TAFA4: variants seen among roughly 807,000 people sequenced by gnomAD.
The protein encoded by TAFA4 is TAFA chemokine like family member 4.
A neutral mutation model predicts 21.1 loss-of-function variants in TAFA4; 20 were observed. The ratio of observed to expected loss-of-function variants is 0.95; its 90% CI spans 0.67 to 1.38. The LOEUF (loss-of-function observed/expected upper bound fraction) is 1.38. TAFA4 is among the 40% of genes most tolerant of loss of function. TAFA4 has a pLI of 0.00. For missense variants in TAFA4, 211 were observed against 180.9 expected (o/e 1.17, Z -0.95); for synonymous variants, 71 against 67.4 (o/e 1.05, Z -0.26).
chr3:68,776,072 A>G (rs1234474401), intron 3 of TAFA4, among the ~76,000 whole-genome samples: 3 of 152,196 alleles, frequency 2.0e-5, no homozygotes, highest in African/African-American at 7.2e-5. Flanking sequence ...AAAGTATTCA[A>G]AAATGGCAGA....
chr3:68,849,407 A>G (rs75454190), intron 3 of TAFA4, among the ~76,000 whole-genome samples: 3 of 152,288 alleles, frequency 2.0e-5, no homozygotes, highest in African/African-American at 4.8e-5. Flanking sequence ...TGGCTCTGGA[A>G]TGCTTGTTCT....
intron 3 of TAFA4, among the ~76,000 whole-genome samples, chr3:68,759,969 G>A (rs1404859772): frequency 6.6e-6 from 1 of 152,050 alleles, no homozygotes; most frequent in African/African-American, 2.4e-5. Context: ...ACTGTTCTTG[G>A]TGCTCTTTGA....
Position 68,807,775 on chromosome 3 carries a change from C to G in TAFA4, c.131-54757G>C, listed in dbSNP as rs1389942001. Among the ~76,000 whole-genome samples, 3 of 152,304 alleles carry G rather than the reference C, an allele frequency of 2.0e-5. No homozygotes were observed. In the East Asian group the frequency reaches 5.8e-4, roughly 29 times the overall value. On this transcript the variant is annotated intron_variant, in intron 3 of 5. Transcript: ENST00000295569. The stretch of plus-strand genomic sequence containing the variant: ...CTCACCATTTCATGTAGCTGCATCA[C>G]CTACATAAGATTGCTTTGTATTAAG...
chr3:68,891,571 A>G (rs2089731032), intron 1 of TAFA4, among the ~76,000 whole-genome samples: 1 of 152,228 alleles, frequency 6.6e-6, no homozygotes, highest in African/African-American at 2.4e-5. Flanking sequence ...TCAGCTAATG[A>G]TGTAAGAGGT....
At chr3:68,895,796 C>T (rs906144573) in intron 1 of TAFA4, among the ~76,000 whole-genome samples, 2 of 152,072 alleles carry the variant, frequency 1.3e-5, no homozygotes, top group Non-Finnish European at 2.9e-5. Flanking sequence ...TGCATTATAG[C>T]ATGTGGAGAC....
chr3:68,866,548 G>A (rs888246335), intron 3 of TAFA4, among the ~76,000 whole-genome samples: 29 of 148,332 alleles, frequency 2.0e-4, no homozygotes, highest in East Asian at 1.2e-3. Flanking sequence ...CAGCAAACAA[G>A]GAATCATGAA....
At chr3:68,834,649 A>G (rs1056528626) in intron 3 of TAFA4, among the ~76,000 whole-genome samples, 1 of 151,882 alleles carries the variant, frequency 6.6e-6, no homozygotes, top group Non-Finnish European at 1.5e-5. Flanking sequence ...TATTCCTCCC[A>G]TACACCTCCT....
intron 3 of TAFA4, among the ~76,000 whole-genome samples, chr3:68,777,409 C>A (rs990137613): frequency 6.6e-6 from 1 of 151,884 alleles, no homozygotes; most frequent in Non-Finnish European, 1.5e-5. Context: ...TAGCCACTAG[C>A]CAAATGTGGA....
chr3:68,848,477 G>A (rs554633542), intron 3 of TAFA4, among the ~76,000 whole-genome samples: 2 of 152,274 alleles, frequency 1.3e-5, no homozygotes, highest in African/African-American at 4.8e-5. Context: ...CCAGGAAGGA[G>A]GTATTCTTAA....
At chr3:68,896,572 G>C (rs2089791251) in intron 1 of TAFA4, among the ~76,000 whole-genome samples, 1 of 152,210 alleles carries the variant, frequency 6.6e-6, no homozygotes, top group Non-Finnish European at 1.5e-5. Flanking sequence ...GCTGATGTCT[G>C]TCTCATGGGC....
chr3:68,826,215 T>C (rs1233071056), intron 3 of TAFA4, among the ~76,000 whole-genome samples: 1 of 152,202 alleles, frequency 6.6e-6, no homozygotes, highest in Non-Finnish European at 1.5e-5. Flanking sequence ...CCTCTGCCAC[T>C]ACCTATGTAA....
chr3:68,921,865 C>A (rs1399824455), intron 1 of TAFA4, among the ~76,000 whole-genome samples: 1 of 152,196 alleles, frequency 6.6e-6, no homozygotes, highest in African/African-American at 2.4e-5. Flanking sequence ...GTACAGCAAA[C>A]CTGCCTCAAC....
intron 3 of TAFA4, among the ~76,000 whole-genome samples, chr3:68,863,905 C>T (rs1419348855): frequency 1.3e-5 from 2 of 152,058 alleles, no homozygotes; most frequent in African/African-American, 2.4e-5. Flanking sequence ...ATAATGAGCA[C>T]TTTTTTACCT....
intron 3 of TAFA4, among the ~76,000 whole-genome samples, chr3:68,848,735 C>T (rs547380537): frequency 9.3e-4 from 142 of 152,260 alleles, no homozygotes; most frequent in African/African-American, 3.2e-3. Context: ...CAATAGAAAT[C>T]TGTCCTGCAC....
intron 3 of TAFA4, among the ~76,000 whole-genome samples, chr3:68,866,617 G>A (rs1304093875): frequency 1.7e-5 from 2 of 120,288 alleles, no homozygotes; most frequent in Non-Finnish European, 3.2e-5. Flanking sequence ...GGTGATGTGT[G>A]AGCTCTCAGA....
At chr3:68,793,941 C>A (rs868532080) in intron 3 of TAFA4, among the ~76,000 whole-genome samples, 1 of 152,202 alleles carries the variant, frequency 6.6e-6, no homozygotes, top group African/African-American at 2.4e-5. Context: ...AGCTGTTCCA[C>A]GTACAACACA....
intron 3 of TAFA4, among the ~76,000 whole-genome samples, chr3:68,837,223 A>T (rs1016812978): frequency 1.3e-5 from 2 of 152,240 alleles, no homozygotes; most frequent in Admixed American, 6.5e-5. Context: ...GCTATGCTAA[A>T]TGATGTCCAA....
chr3:68,806,416 G>A (rs1330779899), intron 3 of TAFA4, among the ~76,000 whole-genome samples: 1 of 152,110 alleles, frequency 6.6e-6, no homozygotes, highest in Non-Finnish European at 1.5e-5. Flanking sequence ...AAGCCATTTA[G>A]TTTATCATTC....
At chr3:68,780,775 A>G (rs1394104862) in intron 3 of TAFA4, among the ~76,000 whole-genome samples, 1 of 152,224 alleles carries the variant, frequency 6.6e-6, no homozygotes, top group East Asian at 1.9e-4. Context: ...GTAATTGATA[A>G]AACAAGTAAA....
Sources: allele counts gnomAD v4.1 joint callset (sites outside exome capture counted in the v4.1 genomes callset), GRCh38; gene constraint gnomAD v4.1.1; transcripts MANE v1.5; gene names NCBI Gene and HGNC (gene_info 2026-07-23, HGNC 2026-07-21).